Variants in L3MBTL4 observed in about 807,000 individuals in gnomAD.
The protein encoded by L3MBTL4 is lethal(3)malignant brain tumor-like protein 4.
Under a neutral mutation model 84.5 loss-of-function variants are expected in L3MBTL4, and 70 were observed. That is an observed-to-expected ratio of 0.83 (90% confidence interval 0.68 to 1.01). L3MBTL4 has a LOEUF of 1.01. L3MBTL4 is among the 50% of genes least tolerant of loss of function. The pLI is 0.00. For missense variants in L3MBTL4, 715 were observed against 754.8 expected (o/e 0.95, Z 0.62); for synonymous variants, 274 against 259.8 (o/e 1.05, Z -0.52).
At chr18:6,172,037 T>C (rs928038910) in intron 12 of L3MBTL4, 95 bp from the exon 13 acceptor site, 10 of 594,908 alleles carry the variant, frequency 1.7e-5, no homozygotes, top group Non-Finnish European at 2.7e-5. Context: ...GAAGCTGAGA[T>C]TGAAATTTTA....
At chr18:6,099,151 C>T (rs1013434169) in intron 14 of L3MBTL4, among the ~76,000 whole-genome samples, 2 of 152,156 alleles carry the variant, frequency 1.3e-5, no homozygotes, top group African/African-American at 4.8e-5. Flanking sequence ...AATGCCTTCC[C>T]CACACGCTGT....
In L3MBTL4 at chr18:6,093,541, A is replaced by G. The variant is rs780599654; in HGVS notation, c.1200-13T>C. ...GCAGCCAAAAGCACTGGTTTGTATA[A>G]AAATGAGAGCACAGTCATCAGTATA... On this transcript the variant is annotated splice_polypyrimidine_tract_variant and intron_variant, in intron 14 of 18. Coordinates refer to ENST00000317931, the MANE Select transcript of L3MBTL4 (RefSeq NM_001330559.2). The G allele has an allele frequency of 2.9e-5, 47 of 1,608,332 alleles. No individual in the cohort carries two copies. The East Asian group carries it at 9.6e-4, about 33-fold the overall frequency.
At chr18:6,371,273 G>A (rs973413733) in intron 1 of L3MBTL4, among the ~76,000 whole-genome samples, 3 of 152,198 alleles carry the variant, frequency 2.0e-5, no homozygotes, top group African/African-American at 7.2e-5. Flanking sequence ...CCTGTACTGT[G>A]AGCTGATGAA....
At chr18:5,995,991 G>A (rs774521499) in intron 16 of L3MBTL4, among the ~76,000 whole-genome samples, 10 of 152,204 alleles carry the variant, frequency 6.6e-5, no homozygotes, top group South Asian at 4.1e-4. Flanking sequence ...AGCTGGAGGC[G>A]TGTGTGGCTG....
At chr18:6,034,630 CA>C (rs1468522003) in intron 16 of L3MBTL4, among the ~76,000 whole-genome samples, 2 of 152,246 alleles carry the variant, frequency 1.3e-5, no homozygotes, top group Non-Finnish European at 2.9e-5. Flanking sequence ...GTCTTTATAG[CA>C]GCATGATTTA....
chr18:6,230,915 C>T (rs1052470791), intron 10 of L3MBTL4, among the ~76,000 whole-genome samples: 1 of 151,966 alleles, frequency 6.6e-6, no homozygotes, highest in Non-Finnish European at 1.5e-5. Flanking sequence ...CCTTTGTCCA[C>T]TTTTTTAATG....
chr18:5,969,842 G>T (rs1244285723), intron 16 of L3MBTL4, among the ~76,000 whole-genome samples: 1 of 152,342 alleles, frequency 6.6e-6, no homozygotes, highest in East Asian at 1.9e-4. Context: ...GATGGCCAAT[G>T]AAGGGCTCGC....
At chr18:6,403,994 G>A (rs189538138) in intron 1 of L3MBTL4, among the ~76,000 whole-genome samples, 95 of 151,628 alleles carry the variant, frequency 6.3e-4, no homozygotes, top group Admixed American at 6.2e-3. Context: ...AGTAACTCAG[G>A]AATGGAAAAC....
At chr18:6,335,975 C>T (rs1389312896) in intron 1 of L3MBTL4, among the ~76,000 whole-genome samples, 1 of 152,158 alleles carries the variant, frequency 6.6e-6, no homozygotes, top group Non-Finnish European at 1.5e-5. Flanking sequence ...TTAATTCCTT[C>T]ATTCATGTAT....
chr18:5,965,484 G>A (rs933534808), intron 17 of L3MBTL4, among the ~76,000 whole-genome samples: 15 of 152,174 alleles, frequency 9.9e-5, no homozygotes, highest in African/African-American at 2.4e-4. Context: ...GAAACACCCA[G>A]TGCTGACAAA....
chr18:6,240,447 A>T (rs1354859089), intron 8 of L3MBTL4, among the ~76,000 whole-genome samples: 1 of 151,086 alleles, frequency 6.6e-6, no homozygotes, highest in Admixed American at 6.6e-5. Context: ...TTATAATTTT[A>T]AAATGTGAGT....
intron 1 of L3MBTL4, among the ~76,000 whole-genome samples, chr18:6,350,171 T>A (rs1364518432): frequency 2.6e-5 from 4 of 152,044 alleles, no homozygotes; most frequent in Non-Finnish European, 2.9e-5. Flanking sequence ...AAAACATAAG[T>A]GAAAACCCTC....
At chr18:6,046,404 G>GACCT (rs1163922369) in intron 16 of L3MBTL4, among the ~76,000 whole-genome samples, 1 of 152,126 alleles carries the variant, frequency 6.6e-6, no homozygotes, top group Non-Finnish European at 1.5e-5. Context: ...TGACCAAGTA[G>GACCT]ACCTAATAGG....
intron 12 of L3MBTL4, among the ~76,000 whole-genome samples, chr18:6,211,171 T>C (rs188946760): frequency 8.5e-5 from 13 of 152,344 alleles, no homozygotes; most frequent in Middle Eastern, 3.4e-3. Flanking sequence ...CATTTTCCAA[T>C]AATTATTACT....
chr18:6,172,676 A>G (rs1293952067), intron 12 of L3MBTL4, among the ~76,000 whole-genome samples: 1 of 152,208 alleles, frequency 6.6e-6, no homozygotes, highest in Admixed American at 6.5e-5. Flanking sequence ...ATGCACACAT[A>G]TAAGAATAAT....
At chr18:6,054,795 T>C (rs541382064) in intron 16 of L3MBTL4, among the ~76,000 whole-genome samples, 1 of 152,218 alleles carries the variant, frequency 6.6e-6, no homozygotes, top group African/African-American at 2.4e-5. Flanking sequence ...GATGAACCCA[T>C]GAATGATGCT....
intron 5 of L3MBTL4, among the ~76,000 whole-genome samples, chr18:6,252,540 C>A (rs1156862280): frequency 6.6e-6 from 1 of 152,080 alleles, no homozygotes; most frequent in Admixed American, 6.6e-5. Context: ...GAGAGGAGAA[C>A]AGACAGAGAG....
chr18:5,969,164 C>T (rs1036587167), intron 17 of L3MBTL4, among the ~76,000 whole-genome samples: 6 of 152,096 alleles, frequency 3.9e-5, no homozygotes, highest in East Asian at 1.9e-4. Context: ...AATAAGGCTG[C>T]GGAGGGGAGG....
At chr18:6,129,729 A>G (rs1411884284) in intron 14 of L3MBTL4, among the ~76,000 whole-genome samples, 2 of 152,020 alleles carry the variant, frequency 1.3e-5, no homozygotes, top group Non-Finnish European at 2.9e-5. Flanking sequence ...TTTTCTCAAC[A>G]ATTTCTTATT....
Sources: gnomAD v4.1 joint callset for allele counts (sites outside exome capture counted in the v4.1 genomes callset) on GRCh38, gnomAD v4.1.1 for gene constraint, MANE v1.5 for transcripts, NCBI Gene and HGNC (gene_info 2026-07-23, HGNC 2026-07-21) for gene names.